Variants in BAHCC1 observed in about 807,000 individuals in gnomAD.
The protein encoded by BAHCC1 is BAH domain and coiled-coil containing 1, also known as BAH and coiled-coil domain-containing protein 1.
BAHCC1 carries 43 observed loss-of-function variants against 88.2 expected under a neutral mutation model. The ratio of observed to expected loss-of-function variants is 0.49; its 90% CI spans 0.38 to 0.63. The LOEUF is 0.63. Among genes scored for constraint, BAHCC1 ranks in the 20% least tolerant of loss-of-function variants. The pLI is 0.00. For missense variants in BAHCC1, 3,023 were observed against 1,654.8 expected (o/e 1.83, Z -14.34); for synonymous variants, 1,510 against 745.5 (o/e 2.03, Z -16.71).
At chr17:81,424,824 GTGA>G (rs552633743) in intron 2 of BAHCC1, among the ~76,000 whole-genome samples, 90 of 151,324 alleles carry the variant, frequency 5.9e-4, no homozygotes, top group African/African-American at 1.3e-3. Context: ...GATATGGTTG[GTGA>G]TGATGATGTG....
In BAHCC1 at chr17:81,411,506, GCCTGCCTGCCTTCCTTCCTTCCTT is replaced by G. The variant is rs782331206; in HGVS notation, c.178+11593_178+11616del. ...TGCCTGCCTGCCTGCCTGCCTGCCT[GCCTGCCTGCCTTCCTTCCTTCCTT>G]CCTTCCTTCCTTCCTTCCTTCCTTC... On this transcript the variant is annotated intron_variant, in intron 2 of 27. Coordinates refer to ENST00000675386, the MANE Select transcript of BAHCC1 (RefSeq NM_001377448.1). The surrounding 1 kb of genome is among the most constrained non-coding windows in gnomAD (Gnocchi z 6.2). The G allele has an allele frequency of 4.5e-3, 1,480 of 326,556 alleles. 7 individuals are homozygous for G. The highest frequency in any genetic ancestry group is 0.015 in the African/African-American group (497 of 33,422). The allele number at this position is 326,556 out of a possible 1,614,324, so 20.2% of individuals were successfully genotyped here. A position where few individuals can be genotyped will look rare whatever the true frequency, so the allele number is the denominator to read the frequency against.
Position 81,461,082 on chromosome 17 carries a change from C to G in BAHCC1, c.6419C>G (p.Pro2140Arg), listed in dbSNP as rs1555659121. The change falls in exon 26 of 28, where the codon CCC becomes CGC. Residue 2140 changes from proline to arginine, a missense_variant. Transcript: ENST00000675386. ...KKLRAREALF[P>R]VHSVATPIFG... ...CTGCGGGCCCGCGAGGCCCTGTTCC[C>G]CGTGCACAGCGTGGCCACACCCATA... 1 of 769,094 alleles carries G rather than the reference C, an allele frequency of 1.3e-6. No individual in the cohort carries two copies. The highest frequency in any genetic ancestry group is 1.7e-5 in the African/African-American group (1 of 59,086). 47.6% of individuals were successfully genotyped at this position (769,094 alleles called of 1,614,324 possible).
intron 2 of BAHCC1, among the ~76,000 whole-genome samples, 172 bp downstream of exon 2, chr17:81,400,089 G>A (rs1389559003): frequency 6.6e-5 from 10 of 152,006 alleles, no homozygotes; most frequent in African/African-American, 2.4e-4. Context: ...CCCAAGCTGC[G>A]TCGCCGCGGC....
At chr17:81,428,707 A>T (rs2064227623) in intron 3 of BAHCC1, among the ~76,000 whole-genome samples, 1 of 152,212 alleles carries the variant, frequency 6.6e-6, no homozygotes, top group Admixed American at 6.5e-5. Context: ...GGTGGCCCAC[A>T]GGCAGACAGC....
chr17:81,400,737 C>A, intron 2 of BAHCC1: 1 of 153,782 alleles, frequency 6.5e-6, no homozygotes, highest in Middle Eastern at 7.5e-4. Context: ...TCCTCTCGGG[C>A]GGTCCCCTCT....
rs576549165 is a variant in BAHCC1, at chr17:81,463,973, G to A, written c.*156G>A. The A allele has an allele frequency of 2.3e-5, 14 of 614,564 alleles. No individual in the cohort carries two copies. The highest frequency in any genetic ancestry group is 9.2e-5 in the African/African-American group (5 of 54,336). 38.1% of individuals were successfully genotyped at this position (614,564 alleles called of 1,614,324 possible). On this transcript the variant is annotated 3_prime_UTR_variant, in exon 28 of 28. Coordinates refer to ENST00000675386, the MANE Select transcript of BAHCC1 (RefSeq NM_001377448.1). Reference sequence around the variant, plus strand: ...CAGGGCAAGACCCAGGCTTTCTTACGGTTTTCCCTGGAAAGAGCGCTCCAG... The same window carrying A: ...CAGGGCAAGACCCAGGCTTTCTTACAGTTTTCCCTGGAAAGAGCGCTCCAG...
chr17:81,412,012 C>T (rs1261763043), intron 2 of BAHCC1, among the ~76,000 whole-genome samples: 2 of 152,246 alleles, frequency 1.3e-5, no homozygotes, highest in Non-Finnish European at 2.9e-5. Flanking sequence ...ACCAGGGCCC[C>T]GTGGCCTCCT....
rs1555658398 is a variant in BAHCC1, at chr17:81,459,038, C to T, written c.5606-16C>T. The T allele has an allele frequency of 1.3e-6, 1 of 742,770 alleles. No homozygotes were observed. Among genetic ancestry groups the T allele is most frequent in the Admixed American group, 1.8e-5 (1 of 54,410 alleles). 46.0% of individuals were successfully genotyped at this position (742,770 alleles called of 1,614,324 possible). A position where few individuals can be genotyped will look rare whatever the true frequency, so the allele number is the denominator to read the frequency against. The stretch of plus-strand genomic sequence containing the variant: ...GTGGGTAGGCCGTGCCGGCCGCTGA[C>T]ACCTTGTGCCCACAGCGCGCTCGTG... On this transcript the variant is annotated splice_polypyrimidine_tract_variant and intron_variant, in intron 20 of 27. Transcript: ENST00000675386.
In BAHCC1 at chr17:81,434,255, A is replaced by G. The variant is rs1047649647; in HGVS notation, c.359-4115A>G. On this transcript the variant is annotated intron_variant, in intron 3 of 27. Coordinates refer to ENST00000675386, the MANE Select transcript of BAHCC1 (RefSeq NM_001377448.1). The surrounding 1 kb of genome is among the most constrained non-coding windows in gnomAD (Gnocchi z 4.9). ...TCCCAGGCTGGCTGCCCACGTGCAC[A>G]TTCCAGGCTCGGGGCCACGCCCAGC... Among the ~76,000 whole-genome samples, 1 of 152,096 alleles carries G rather than the reference A, an allele frequency of 6.6e-6. No individual in the cohort carries two copies. Among genetic ancestry groups the G allele is most frequent in the Non-Finnish European group, 1.5e-5 (1 of 68,004 alleles).
chr17:81,461,700 C>T lies in BAHCC1; in HGVS notation c.7037C>T (p.Ser2346Phe). The change falls in exon 26 of 28, where the codon TCC (serine) becomes TTC (phenylalanine). Residue 2346 changes from serine to phenylalanine, a missense_variant. By Grantham distance (155) the Ser-to-Phe change is radical. Transcript: ENST00000675386. ...TGCTCCTCCGACAACGAGGACTCGT[C>T]CTACAGCTCAGACGACGAGGACCCG... is the stretch of plus-strand genomic sequence containing the variant. ...SLCSSDNEDS[S>F]YSSDDEDPAL... 5.6e-6 allele frequency: 4 copies of T among 720,666 alleles called. No individual in the cohort carries two copies. Among genetic ancestry groups the T allele is most frequent in the East Asian group, 2.7e-5 (1 of 37,702 alleles). The allele number at this position is 720,666 out of a possible 1,614,324, so 44.6% of individuals were successfully genotyped here.
chr17:81,405,002 T>C (rs1330098807), intron 2 of BAHCC1, among the ~76,000 whole-genome samples: 2 of 152,184 alleles, frequency 1.3e-5, no homozygotes, highest in Non-Finnish European at 2.9e-5. Flanking sequence ...GAAAAGCCAC[T>C]GTGGATATGA....
At chr17:81,441,227 C>T (rs12945195) in intron 4 of BAHCC1, among the ~76,000 whole-genome samples, 18,991 of 152,138 alleles carry the variant, frequency 0.12, 1,634 homozygotes, top group African/African-American at 0.24. Context: ...GACAGAACTG[C>T]GGTTCGGGGA....
intron 13 of BAHCC1, 117 bp from the exon 14 acceptor site, chr17:81,452,606 C>T: frequency 3.6e-6 from 2 of 554,406 alleles, no homozygotes; most frequent in Non-Finnish European, 3.2e-6. Context: ...CAGGCCGAGT[C>T]TGGGCCGCAT....
At chr17:81,460,184 C>G in intron 23 of BAHCC1, 93 bp from the exon 24 acceptor site, 1 of 678,980 alleles carries the variant, frequency 1.5e-6, no homozygotes, top group South Asian at 1.7e-5. Context: ...AGAGCCCTCC[C>G]CTCACCCTCC....
At chr17:81,446,968 C>T (rs992910348) in intron 10 of BAHCC1, 68 bp from the exon 11 acceptor site, 9 of 764,262 alleles carry the variant, frequency 1.2e-5, no homozygotes, top group African/African-American at 3.4e-5. Context: ...CACTGTCCTC[C>T]GTCCTATCGC....
At chr17:81,453,179 C>T (rs555498131) in intron 14 of BAHCC1, among the ~76,000 whole-genome samples, 9 of 152,346 alleles carry the variant, frequency 5.9e-5, no homozygotes, top group Admixed American at 3.9e-4. Flanking sequence ...GAGTGTGAGG[C>T]GGTGTTGCGT....
chr17:81,408,526 G>C (rs1423507820), intron 2 of BAHCC1, among the ~76,000 whole-genome samples: 6 of 151,970 alleles, frequency 3.9e-5, no homozygotes, highest in African/African-American at 1.5e-4. Flanking sequence ...ACAATCCCCA[G>C]TGCCTGCCCC....
intron 2 of BAHCC1, among the ~76,000 whole-genome samples, chr17:81,425,225 TG>T (rs2064167459): frequency 5.4e-4 from 3 of 5,554 alleles, no homozygotes; most frequent in African/African-American, 1.2e-3. Flanking sequence ...ATGTGGTTGG[TG>T]GTGATGTGGT....
At chr17:81,456,630 G>T (rs2064754858) in intron 16 of BAHCC1, 45 bp downstream of exon 16, 2 of 670,992 alleles carry the variant, frequency 3.0e-6, no homozygotes, top group African/African-American at 1.8e-5. Flanking sequence ...CCCCGGTCAT[G>T]GTCGCTCGGG....
Sources: gnomAD v4.1 joint callset for allele counts (sites outside exome capture counted in the v4.1 genomes callset) on GRCh38, gnomAD v4.1.1 for gene constraint, Gnocchi (gnomAD v3.1) non-coding constraint, MANE v1.5 for transcripts, NCBI Gene and HGNC (gene_info 2026-07-23, HGNC 2026-07-21) for gene names.